Variants in APPBP2 observed in about 807,000 individuals in gnomAD.
The protein encoded by APPBP2 is amyloid protein-binding protein 2.
Under a neutral mutation model 76.0 loss-of-function variants are expected in APPBP2, and 15 were observed. The ratio of observed to expected loss-of-function variants is 0.20; its 90% CI spans 0.13 to 0.30. The LOEUF is 0.30. Ranked by LOEUF, APPBP2 falls within the 10% of genes least tolerant of loss-of-function variation. The pLI, the probability that APPBP2 is intolerant of heterozygous loss-of-function variation, is 1.00. For synonymous variants in APPBP2, 222 were observed against 242.2 expected, an observed-to-expected ratio of 0.92 and a Z score of 0.77; for missense variants, 401 against 687.2, an observed-to-expected ratio of 0.58 and a Z score of 4.66.
chr17:60,475,549 A>T (rs1217065849), intron 4 of APPBP2, among the ~76,000 whole-genome samples: 2 of 151,972 alleles, frequency 1.3e-5, no homozygotes, highest in Non-Finnish European at 2.9e-5. Context: ...AGTAACTAAG[A>T]TACTGCTACT....
At chr17:60,479,326 A>C in intron 3 of APPBP2, 55 bp from the exon 4 acceptor site, 1 of 1,532,434 alleles carries the variant, frequency 6.5e-7, no homozygotes, top group Non-Finnish European at 8.8e-7. Flanking sequence ...CCTGCAAGAT[A>C]AAATGACATG....
intron 1 of APPBP2, among the ~76,000 whole-genome samples, chr17:60,505,472 T>C (rs1181794927): frequency 6.6e-6 from 1 of 152,076 alleles, no homozygotes. Context: ...CCTGCCACCA[T>C]GGCCAGCTCA....
chr17:60,452,117 ACTGAT>A, intron 11 of APPBP2, 72 bp from the exon 12 acceptor site: 1 of 1,437,154 alleles, frequency 7.0e-7, no homozygotes, highest in Non-Finnish European at 9.6e-7. Flanking sequence ...AATGAGCAAA[ACTGAT>A]CTAAATGCCA....
chr17:60,500,395 T>A lies in APPBP2; in HGVS notation c.227+4A>T. 4 of 1,580,560 alleles carry A rather than the reference T, an allele frequency of 2.5e-6. No individual in the cohort carries two copies. The highest frequency in any genetic ancestry group is 3.4e-6 in the Non-Finnish European group (4 of 1,161,070). ...ATTTTACAATTTTTTAAAAAAGAATTTACCTTTTATCCAAAGCTCTCAGTA... is the reference window on the plus strand; with the variant it reads ...ATTTTACAATTTTTTAAAAAAGAATATACCTTTTATCCAAAGCTCTCAGTA... On this transcript the variant is annotated splice_donor_region_variant and intron_variant, in intron 2 of 12. Coordinates refer to ENST00000083182, the MANE Select transcript of APPBP2 (RefSeq NM_006380.5).
At chr17:60,502,868 A>G (rs2090833313) in intron 1 of APPBP2, among the ~76,000 whole-genome samples, 1 of 146,342 alleles carries the variant, frequency 6.8e-6, no homozygotes, top group Non-Finnish European at 1.5e-5. Context: ...ACAAAAAAAG[A>G]ATAAACAAAA....
At chr17:60,514,015 A>C (rs184538333) in intron 1 of APPBP2, among the ~76,000 whole-genome samples, 14,965 of 149,912 alleles carry the variant, frequency 0.1, 749 homozygotes, top group East Asian at 0.15. Flanking sequence ...AAAAAAAAAA[A>C]AAAACACAGC....
chr17:60,479,309 T>C, intron 3 of APPBP2, 38 bp from the exon 4 acceptor site: 1 of 1,572,246 alleles, frequency 6.4e-7, no homozygotes, highest in Non-Finnish European at 8.6e-7. Flanking sequence ...GAAAACTTGA[T>C]AAATAGCCTG....
intron 1 of APPBP2, among the ~76,000 whole-genome samples, chr17:60,509,268 T>G (rs1023286708): frequency 2.0e-5 from 3 of 151,688 alleles, no homozygotes; most frequent in Admixed American, 6.6e-5. Flanking sequence ...TAGTCCCAGC[T>G]ACCAGGAGGC....
At chr17:60,463,183 T>C (rs962467081) in intron 6 of APPBP2, among the ~76,000 whole-genome samples, 1 of 152,178 alleles carries the variant, frequency 6.6e-6, no homozygotes. Flanking sequence ...TATTTTCTAG[T>C]TGAATTTCCA....
At chr17:60,483,633 T>C (rs2090649086) in intron 3 of APPBP2, among the ~76,000 whole-genome samples, 1 of 152,146 alleles carries the variant, frequency 6.6e-6, no homozygotes, top group Non-Finnish European at 1.5e-5. Context: ...GACCTCGTGA[T>C]CCGCTCGCCT....
intron 1 of APPBP2, among the ~76,000 whole-genome samples, chr17:60,520,877 T>C (rs1483864772): frequency 1.3e-5 from 2 of 152,164 alleles, no homozygotes; most frequent in African/African-American, 4.8e-5. Flanking sequence ...CTTCATTCTT[T>C]AGAATAAGAA....
intron 12 of APPBP2, among the ~76,000 whole-genome samples, chr17:60,450,906 T>C (rs1475094347): frequency 1.3e-5 from 2 of 152,218 alleles, no homozygotes; most frequent in Middle Eastern, 3.2e-3. Context: ...GTCATATTCA[T>C]ATCATATAAA....
intron 3 of APPBP2, among the ~76,000 whole-genome samples, chr17:60,484,522 G>GT (rs1179394022): frequency 6.6e-6 from 1 of 151,432 alleles, no homozygotes; most frequent in African/African-American, 2.4e-5. Context: ...TAATTTGGCT[G>GT]TTTATGTGTT....
intron 1 of APPBP2, among the ~76,000 whole-genome samples, chr17:60,518,563 G>A (rs1487703203): frequency 6.6e-6 from 1 of 151,846 alleles, no homozygotes; most frequent in Non-Finnish European, 1.5e-5. Context: ...TCTGGAGGCT[G>A]AGAGTGCAGT....
chr17:60,458,232 G>A (rs750906184), intron 9 of APPBP2, among the ~76,000 whole-genome samples: 9 of 152,080 alleles, frequency 5.9e-5, no homozygotes, highest in African/African-American at 1.9e-4. Context: ...TCAGGAGATC[G>A]AGACCAGTCT....
intron 1 of APPBP2, among the ~76,000 whole-genome samples, chr17:60,519,264 CTTATTT>C (rs66880173): frequency 0.095 from 14,386 of 151,996 alleles, 2,249 homozygotes; most frequent in African/African-American, 0.33. Context: ...CTCCTGGCCA[CTTATTT>C]TTATAGTGTT....
intron 12 of APPBP2, among the ~76,000 whole-genome samples, chr17:60,449,012 G>T (rs1041486289): frequency 4.6e-5 from 7 of 152,092 alleles, no homozygotes; most frequent in Non-Finnish European, 8.8e-5. Context: ...TTGTGCAAAA[G>T]AATAACATAA....
At chr17:60,492,309 G>A (rs561182319) in intron 3 of APPBP2, among the ~76,000 whole-genome samples, 5 of 152,326 alleles carry the variant, frequency 3.3e-5, no homozygotes, top group East Asian at 1.9e-4. Flanking sequence ...GGAAATATTG[G>A]GTTGAAGCCC....
At chr17:60,456,212 C>A (rs2090430388) in intron 10 of APPBP2, 84 bp downstream of exon 10, 2 of 968,996 alleles carry the variant, frequency 2.1e-6, no homozygotes, top group African/African-American at 3.3e-5. Context: ...ATCCTCCAAT[C>A]CTCTGAGAAA....
Sources: allele counts gnomAD v4.1 joint callset (sites outside exome capture counted in the v4.1 genomes callset), GRCh38; gene constraint gnomAD v4.1.1; transcripts MANE v1.5; gene names NCBI Gene and HGNC (gene_info 2026-07-23, HGNC 2026-07-21).